The following KDM2B variants were observed in gnomAD, a reference collection of about 807,000 sequenced individuals.
The protein encoded by KDM2B is lysine-specific demethylase 2B.
In KDM2B, 26 loss-of-function variants were observed where a neutral mutation model predicts 150.0. That is an observed-to-expected ratio of 0.17 (90% confidence interval 0.13 to 0.24). The LOEUF is 0.24. Ranked by LOEUF, KDM2B falls within the 10% of genes least tolerant of loss-of-function variation. KDM2B has a pLI of 1.00. For synonymous variants in KDM2B, 734 were observed against 729.5 expected, an observed-to-expected ratio of 1.01 and a Z score of -0.10; for missense variants, 1,265 against 1,816.9, an observed-to-expected ratio of 0.70 and a Z score of 5.52.
chr12:121,524,842 T>A, intron 8 of KDM2B: 6 of 296,266 alleles, frequency 2.0e-5, no homozygotes, highest in South Asian at 1.6e-4. Context: ...CAGGGACAGA[T>A]GCAGTCATAG....
chr12:121,447,681 T>A (rs563788073), intron 13 of KDM2B, among the ~76,000 whole-genome samples: 1 of 152,212 alleles, frequency 6.6e-6, no homozygotes, highest in South Asian at 2.1e-4. Flanking sequence ...TATTTATTGT[T>A]GAGACGGTGT....
chr12:121,436,587 T>C lies in KDM2B; in HGVS notation c.3829+3270A>G, dbSNP rs145714694. On this transcript the variant is annotated intron_variant, in intron 22 of 22. Coordinates refer to ENST00000377071, the MANE Select transcript of KDM2B (RefSeq NM_032590.5). The stretch of plus-strand genomic sequence containing the variant: ...TCCCAGAAAATACAGCAAAAAGACA[T>C]TGACATGGAAATGAGGAGGGAAGAC... Among the ~76,000 whole-genome samples the C allele has an allele frequency of 9.2e-3, 1,370 of 149,658 alleles. 22 individuals carry two copies. The highest frequency in any genetic ancestry group is 0.031 in the African/African-American group (1,265 of 40,586).
chr12:121,576,017 C>T (rs888836158), intron 2 of KDM2B, among the ~76,000 whole-genome samples, 158 bp from the exon 3 acceptor site: 1 of 152,086 alleles, frequency 6.6e-6, no homozygotes, highest in Admixed American at 6.6e-5. Context: ...GGAAAATGAT[C>T]GGGAAATGGA....
chr12:121,574,551 T>C lies in KDM2B; in HGVS notation c.393A>G (p.Leu131=). The change falls in exon 4 of 23, where the codon CTA becomes CTG. Residue 131 remains leucine (L), a synonymous_variant. Coordinates refer to ENST00000377071, the MANE Select transcript of KDM2B (RefSeq NM_032590.5). The stretch of plus-strand genomic sequence containing the variant: ...CACACACGGCAAGCGACTTACCCAC[T>C]AGGAGTTTGACGTCTCGGACTGTGA... ...PDFTVRDVKL[L]VGSRRLVDVM... 1 of 1,613,832 alleles carries C rather than the reference T, an allele frequency of 6.2e-7. No homozygotes were observed. The highest frequency in any genetic ancestry group is 8.5e-7 in the Non-Finnish European group (1 of 1,179,854).
At chr12:121,457,209 T>C (rs986387751) in intron 12 of KDM2B, among the ~76,000 whole-genome samples, 16 of 152,238 alleles carry the variant, frequency 1.1e-4, no homozygotes, top group African/African-American at 3.9e-4. Context: ...TTCTCTGTCC[T>C]GATATCTTTT....
At chr12:121,561,288 A>C (rs1890321810) in intron 4 of KDM2B, among the ~76,000 whole-genome samples, 1 of 152,142 alleles carries the variant, frequency 6.6e-6, no homozygotes, top group Non-Finnish European at 1.5e-5. Context: ...CCGAGAGCTC[A>C]CAGAACTCTT....
At chr12:121,414,548 T>C in the KDM2B span, among the ~76,000 whole-genome samples, 1 of 152,242 alleles carries the variant, frequency 6.6e-6, no homozygotes, top group Non-Finnish European at 1.5e-5. Flanking sequence ...ACATTAGTTC[T>C]GGGCCATTTA....
rs782579202 is a variant in KDM2B, at chr12:121,444,439, C to T, written c.2190+11G>A. On this transcript the variant is annotated intron_variant, in intron 15 of 22. Transcript: ENST00000377071. ...CCCGACTGACCCTGGGACTTGGAGC[C>T]CGGCACTCACTTTCCCGGTCTTGCC... The T allele has an allele frequency of 1.9e-6, 3 of 1,614,110 alleles. No homozygotes were observed. Among genetic ancestry groups the T allele is most frequent in the Non-Finnish European group, 2.5e-6 (3 of 1,179,988 alleles).
chr12:121,501,724 G>A (rs1446506055), intron 11 of KDM2B, among the ~76,000 whole-genome samples: 2 of 152,042 alleles, frequency 1.3e-5, no homozygotes, highest in Non-Finnish European at 2.9e-5. Context: ...GGGTTCAAGC[G>A]ATTCTCCTGC....
At chr12:121,421,249 G>A in the KDM2B span, among the ~76,000 whole-genome samples, 1 of 151,708 alleles carries the variant, frequency 6.6e-6, no homozygotes, top group East Asian at 1.9e-4. Context: ...AAGAACTTCT[G>A]AACTAGGCTG....
chr12:121,463,401 C>T (rs1324795513), intron 12 of KDM2B, among the ~76,000 whole-genome samples: 3 of 151,982 alleles, frequency 2.0e-5, no homozygotes, highest in African/African-American at 7.3e-5. Context: ...AGCAAACCAC[C>T]ATGCCACATG....
intron 1 of KDM2B, chr12:121,580,252 T>TTG: frequency 6.0e-6 from 5 of 838,926 alleles, no homozygotes; most frequent in Non-Finnish European, 7.3e-6. Context: ...TCAGCAGTTG[T>TTG]GGGGGGGGGG....
chr12:121,478,866 T>TTGTTTGTTTGTTTGTG (rs61509046), intron 12 of KDM2B, among the ~76,000 whole-genome samples: 6 of 131,132 alleles, frequency 4.6e-5, no homozygotes, highest in East Asian at 2.4e-4. Context: ...TTTTGTTTGT[T>TTGTTTGTTTGTTTGTG]TGTGTGTGTG....
At position 121,467,179 on chromosome 12, in the gene KDM2B, G is replaced by A; in HGVS notation, c.1735-13835C>T. On this transcript the variant is annotated intron_variant, in intron 12 of 22. Coordinates refer to ENST00000377071, the MANE Select transcript of KDM2B (RefSeq NM_032590.5). The surrounding 1 kb of genome is among the most constrained non-coding windows in gnomAD (Gnocchi z 5.1). ...CGACCTGGTCCGGCTCCGATTCATA[G>A]TCGTCGTCCTCGGCGCTCACGGACA... The A allele has an allele frequency of 8.9e-7, 1 of 1,119,426 alleles. No individual in the cohort carries two copies. The highest frequency in any genetic ancestry group is 1.1e-6 in the Non-Finnish European group (1 of 897,564). The allele number at this position is 1,119,426 out of a possible 1,614,324, so 69.3% of individuals were successfully genotyped here. A position where few individuals can be genotyped will look rare whatever the true frequency, so the allele number is the denominator to read the frequency against.
the KDM2B span, chr12:121,409,763 ACAG>A: frequency 1.3e-5 from 2 of 152,276 alleles, no homozygotes; most frequent in Admixed American, 6.5e-5. Context: ...AGAAGTACTG[ACAG>A]CAGCTACGAA....
chr12:121,454,972 CCT>C (rs1466720100), intron 12 of KDM2B, among the ~76,000 whole-genome samples: 1 of 152,166 alleles, frequency 6.6e-6, no homozygotes, highest in Non-Finnish European at 1.5e-5. Context: ...AAACAGCCCC[CCT>C]TTCTCCTCAA....
intron 6 of KDM2B, among the ~76,000 whole-genome samples, chr12:121,545,280 T>G (rs1057241756): frequency 1.3e-5 from 2 of 151,992 alleles, no homozygotes; most frequent in Non-Finnish European, 2.9e-5. Flanking sequence ...TCTAACCAGT[T>G]CCCATGACCA....
At chr12:121,531,024 C>T (rs1188385026) in intron 8 of KDM2B, among the ~76,000 whole-genome samples, 1 of 152,090 alleles carries the variant, frequency 6.6e-6, no homozygotes, top group African/African-American at 2.4e-5. Flanking sequence ...AAGAGCCTTC[C>T]AGTCATCCTT....
the KDM2B span, chr12:121,417,730 A>G: frequency 6.2e-7 from 1 of 1,614,220 alleles, no homozygotes; most frequent in Non-Finnish European, 8.5e-7. This position sits in a 1 kb window ranked among gnomAD's most constrained non-coding sequence, Gnocchi z 5.0. Context: ...CTGTGCCATC[A>G]TGGACTAGGC....
Sources: gnomAD v4.1 joint callset for allele counts (sites outside exome capture counted in the v4.1 genomes callset) on GRCh38, gnomAD v4.1.1 for gene constraint, Gnocchi (gnomAD v3.1) non-coding constraint, MANE v1.5 for transcripts, NCBI Gene and HGNC (gene_info 2026-07-23, HGNC 2026-07-21) for gene names.